Variants in TLL1 observed in about 807,000 individuals in gnomAD.
TLL1 encodes tolloid-like protein 1.
A neutral mutation model predicts 128.2 loss-of-function variants in TLL1; 49 were observed. The observed-to-expected ratio is 0.38, with a 90% CI of 0.30 to 0.48. The LOEUF (loss-of-function observed/expected upper bound fraction) is 0.48, where lower values mean the gene tolerates loss of function less well. Among genes scored for constraint, TLL1 ranks in the 20% least tolerant of loss-of-function variants. TLL1 has a pLI of 0.96. For synonymous variants in TLL1, 454 were observed against 418.8 expected, an observed-to-expected ratio of 1.08 and a Z score of -1.03; for missense variants, 1,123 against 1,242.0, an observed-to-expected ratio of 0.90 and a Z score of 1.44.
intron 1 of TLL1, among the ~76,000 whole-genome samples, chr4:165,905,715 A>G (rs1732218267): frequency 6.6e-6 from 1 of 152,168 alleles, no homozygotes; most frequent in Non-Finnish European, 1.5e-5. Context: ...CATCACATAC[A>G]ACTTTGAAGT....
At chr4:165,877,871 G>A (rs1458649881) in intron 1 of TLL1, among the ~76,000 whole-genome samples, 1 of 151,440 alleles carries the variant, frequency 6.6e-6, no homozygotes, top group Non-Finnish European at 1.5e-5. Flanking sequence ...GAAGAAATTA[G>A]TATTTTTAAT....
At chr4:166,088,121 A>G (rs1036025929) in intron 18 of TLL1, among the ~76,000 whole-genome samples, 1 of 152,178 alleles carries the variant, frequency 6.6e-6, no homozygotes, top group Non-Finnish European at 1.5e-5. Flanking sequence ...TGGAAATCCA[A>G]GTTCCTTACA....
intron 18 of TLL1, among the ~76,000 whole-genome samples, chr4:166,084,408 T>G (rs1238354517): frequency 6.6e-6 from 1 of 152,162 alleles, no homozygotes. Flanking sequence ...ATTTGTCTAT[T>G]TTTGCTTTCA....
chr4:166,038,490 GA>G lies in TLL1; in HGVS notation c.1159-837del, dbSNP rs200845034. Among the ~76,000 whole-genome samples the G allele has an allele frequency of 2.2e-3, 315 of 145,492 alleles. 8 individuals are homozygous for G. The East Asian group carries it at 0.053, about 24-fold the overall frequency. ...AGAGTTAGAATGAGTTTTTGAATGT[GA>G]AAAAAAAAAAACCAGATGAATTCCT... On this transcript the variant is annotated intron_variant, in intron 9 of 20. Coordinates refer to ENST00000061240, the MANE Select transcript of TLL1 (RefSeq NM_012464.5).
At chr4:166,052,726 T>C (rs1170273295) in intron 12 of TLL1, among the ~76,000 whole-genome samples, 1 of 152,084 alleles carries the variant, frequency 6.6e-6, no homozygotes, top group Non-Finnish European at 1.5e-5. Context: ...TCAGGAGCAG[T>C]TCATTCTGTG....
chr4:165,896,339 G>A lies in TLL1; in HGVS notation c.169+22266G>A, dbSNP rs180865378. Among the ~76,000 whole-genome samples the A allele has an allele frequency of 1.1e-4, 17 of 152,224 alleles. No individual in the cohort carries two copies. In the South Asian group the frequency reaches 1.5e-3, roughly 13 times the overall value. On this transcript the variant is annotated intron_variant, in intron 1 of 20. Coordinates refer to ENST00000061240, the MANE Select transcript of TLL1 (RefSeq NM_012464.5). ...TGTTTATCCAGTTGATCATTGATGG[G>A]CATTTGGGTTGGTTCCAAGGCTTTG...
chr4:165,883,500 T>C (rs189749405), intron 1 of TLL1, among the ~76,000 whole-genome samples: 372 of 152,308 alleles, frequency 2.4e-3, no homozygotes, highest in Non-Finnish European at 3.2e-3. Context: ...CTCATTACAT[T>C]TCTGTTTTTT....
intron 5 of TLL1, among the ~76,000 whole-genome samples, chr4:165,998,769 C>G (rs111783672): frequency 0.021 from 3,146 of 151,554 alleles, 116 homozygotes; most frequent in African/African-American, 0.073. Context: ...TGCACTCCAG[C>G]CTGGGGGACA....
intron 1 of TLL1, among the ~76,000 whole-genome samples, chr4:165,937,711 A>G (rs764679304): frequency 2.6e-5 from 4 of 152,034 alleles, no homozygotes; most frequent in African/African-American, 4.8e-5. Flanking sequence ...GACTAATAGC[A>G]ACCACATTTT....
At chr4:166,014,707 G>A in intron 8 of TLL1, 147 bp downstream of exon 8, 1 of 1,267,168 alleles carries the variant, frequency 7.9e-7, no homozygotes. Context: ...CATAAAATGA[G>A]GCAGGAGGGA....
intron 8 of TLL1, among the ~76,000 whole-genome samples, chr4:166,020,963 A>G (rs567773298): frequency 8.5e-5 from 13 of 152,346 alleles, no homozygotes; most frequent in Non-Finnish European, 1.6e-4. Context: ...ACTTATATAG[A>G]GTGTACATAT....
chr4:165,896,380 C>T lies in TLL1; in HGVS notation c.169+22307C>T, dbSNP rs2110842122. 2.0e-5 allele frequency among the ~76,000 whole-genome samples: 3 copies of T among 151,904 alleles called. 1 individual carries two copies. In the Middle Eastern group the frequency reaches 0.01, roughly 520 times the overall value. ...CAAGGCTTTGCTACTGTGAATAGTG[C>T]TGCAATAAACATACGTGTGCATGTG... On this transcript the variant is annotated intron_variant, in intron 1 of 20. Transcript: ENST00000061240.
intron 1 of TLL1, among the ~76,000 whole-genome samples, chr4:165,962,447 G>A (rs1476410082): frequency 2.0e-5 from 3 of 152,166 alleles, no homozygotes; most frequent in Non-Finnish European, 4.4e-5. Flanking sequence ...CTGGCAGAGA[G>A]AATGAAACCC....
chr4:165,931,271 T>C, intron 1 of TLL1, among the ~76,000 whole-genome samples: 1 of 152,066 alleles, frequency 6.6e-6, no homozygotes, highest in Admixed American at 6.6e-5. Flanking sequence ...CATAGGAGAG[T>C]TATCTTGAAT....
At position 166,099,455 on chromosome 4, in the gene TLL1, C is replaced by T. The variant is rs760480589; in HGVS notation, c.2835C>T (p.Gly945=). The T allele has an allele frequency of 1.4e-5, 23 of 1,613,366 alleles. No homozygotes were observed. The change falls in exon 20 of 21, where the codon GGC becomes GGT. Residue 945 remains glycine, a synonymous_variant. Coordinates refer to ENST00000061240, the MANE Select transcript of TLL1 (RefSeq NM_012464.5). ...AAGTGGAGGAAGAAGCAGACTGTGG[C>T]TATGACTATGTGGAGCTCTTTGATG... ...TFEVEEEADC[G]YDYVELFDGL... is the part of the protein sequence containing the mutation.
rs72970174 is a variant in TLL1 at position 165,931,968 on chromosome 4, G to A, written c.170-57413G>A. Among the ~76,000 whole-genome samples the A allele has an allele frequency of 4.8e-3, 726 of 152,282 alleles. 5 individuals carry two copies. Among genetic ancestry groups the A allele is most frequent in the African/African-American group, 0.017 (701 of 41,566 alleles). ...ACTCAGAATTTGGTTGTGAGTAGAA[G>A]CCCTAGTGGGGACTTTCCTTTGCTG... On this transcript the variant is annotated intron_variant, in intron 1 of 20. Coordinates refer to ENST00000061240, the MANE Select transcript of TLL1 (RefSeq NM_012464.5).
At chr4:165,898,643 T>C (rs1487964544) in intron 1 of TLL1, among the ~76,000 whole-genome samples, 6 of 152,240 alleles carry the variant, frequency 3.9e-5, no homozygotes, top group African/African-American at 1.4e-4. Flanking sequence ...AGTATTTTAT[T>C]AAGGATTTTG....
At chr4:166,050,409 T>C (rs12643206) in intron 12 of TLL1, among the ~76,000 whole-genome samples, 140 of 152,276 alleles carry the variant, frequency 9.2e-4, no homozygotes, top group African/African-American at 3.3e-3. Flanking sequence ...AACGTAAGTA[T>C]GCAAATATCT....
intron 19 of TLL1, among the ~76,000 whole-genome samples, chr4:166,092,854 C>G (rs901762978): frequency 1.3e-5 from 2 of 152,052 alleles, no homozygotes; most frequent in African/African-American, 2.4e-5. Flanking sequence ...ACAAGTGAAC[C>G]CTTAACTAGC....
Sources: gnomAD v4.1 joint callset for allele counts (sites outside exome capture counted in the v4.1 genomes callset) on GRCh38, gnomAD v4.1.1 for gene constraint, MANE v1.5 for transcripts, NCBI Gene and HGNC (gene_info 2026-07-23, HGNC 2026-07-21) for gene names.